Variants in FGGY observed in about 807,000 individuals in gnomAD.
FGGY encodes the protein FGGY carbohydrate kinase domain-containing protein.
A neutral mutation model predicts 71.3 loss-of-function variants in FGGY; 72 were observed. That is an observed-to-expected ratio of 1.01 (90% CI 0.84 to 1.23). The LOEUF (loss-of-function observed/expected upper bound fraction) is 1.23, where lower values mean the gene tolerates loss of function less well. Ranked by LOEUF, FGGY falls within the 50% of genes most tolerant of loss-of-function variation. The pLI is 0.00. For synonymous variants in FGGY, 251 were observed against 250.3 expected (o/e 1.00, Z -0.02); for missense variants, 668 against 682.3 (o/e 0.98, Z 0.23).
intron 7 of FGGY, among the ~76,000 whole-genome samples, chr1:59,553,648 G>A (rs1358672745): frequency 6.6e-6 from 1 of 152,194 alleles, no homozygotes; most frequent in East Asian, 1.9e-4. Flanking sequence ...GGACTGAGAT[G>A]TGATGTGTTA....
rs79250958 is a variant in FGGY, at chr1:59,514,006, C to T, written c.799+1567C>T. ...TGTAGGTTGGTTGAATGCTATGTAA[C>T]GTAGTTCTGATTACAGGCAAGGTTG... On this transcript the variant is annotated intron_variant, in intron 7 of 15. Coordinates refer to ENST00000303721, the MANE Select transcript of FGGY (RefSeq NM_018291.5). 3.7e-4 allele frequency among the ~76,000 whole-genome samples: 56 copies of T among 152,276 alleles called. No individual in the cohort carries two copies. The East Asian group carries it at 5.4e-3, about 15-fold the overall frequency.
At position 59,603,642 on chromosome 1, in the gene FGGY, C is replaced by G. The variant is rs56985970; in HGVS notation, c.904-4161C>G. Among the ~76,000 whole-genome samples the G allele has an allele frequency of 6.3e-3, 966 of 152,308 alleles. 8 individuals carry two copies. The highest frequency in any genetic ancestry group is 0.022 in the African/African-American group (902 of 41,568). The stretch of plus-strand genomic sequence containing the variant: ...TAAGATCGCCTAGCTGAGAATTGGG[C>G]AGAGTCAGGACTAGAATCACGATGG... On this transcript the variant is annotated intron_variant, in intron 8 of 15. Coordinates refer to ENST00000303721, the MANE Select transcript of FGGY (RefSeq NM_018291.5).
intron 5 of FGGY, among the ~76,000 whole-genome samples, chr1:59,420,637 G>A (rs1037976544): frequency 6.6e-6 from 1 of 152,058 alleles, no homozygotes; most frequent in Non-Finnish European, 1.5e-5. Context: ...AGCTTGTAGG[G>A]TTCAAGACTT....
At chr1:59,358,591 A>G (rs1281949006) in intron 4 of FGGY, among the ~76,000 whole-genome samples, 1 of 152,222 alleles carries the variant, frequency 6.6e-6, no homozygotes, top group Non-Finnish European at 1.5e-5. Flanking sequence ...AGAGCCTGCC[A>G]TGGACATTTA....
At chr1:59,657,405 C>T (rs1403373593) in intron 11 of FGGY, among the ~76,000 whole-genome samples, 2 of 152,116 alleles carry the variant, frequency 1.3e-5, no homozygotes, top group Non-Finnish European at 2.9e-5. Flanking sequence ...AGCAACTTCC[C>T]TAGGAGACCT....
chr1:59,325,313 C>T (rs986229258), intron 2 of FGGY, among the ~76,000 whole-genome samples: 3 of 152,074 alleles, frequency 2.0e-5, no homozygotes, highest in African/African-American at 4.8e-5. Context: ...GCCGAGATTG[C>T]GCCATTGCAC....
At chr1:59,705,072 A>G (rs930978336) in intron 14 of FGGY, among the ~76,000 whole-genome samples, 7 of 152,118 alleles carry the variant, frequency 4.6e-5, no homozygotes, top group Non-Finnish European at 8.8e-5. Flanking sequence ...TTAATGGCCT[A>G]TTAATATCTT....
intron 4 of FGGY, among the ~76,000 whole-genome samples, chr1:59,366,049 A>G (rs1241170794): frequency 6.6e-6 from 1 of 152,106 alleles, no homozygotes; most frequent in Non-Finnish European, 1.5e-5. Context: ...GTGGTGTCAC[A>G]CTCCTGGGTA....
intron 5 of FGGY, among the ~76,000 whole-genome samples, chr1:59,402,349 C>T (rs1367868892): frequency 6.6e-6 from 1 of 152,128 alleles, no homozygotes; most frequent in Non-Finnish European, 1.5e-5. Flanking sequence ...TTCCCTAATG[C>T]ATCTTCATGT....
chr1:59,743,616 T>C (rs202148978), intron 14 of FGGY, among the ~76,000 whole-genome samples: 2 of 147,906 alleles, frequency 1.4e-5, no homozygotes, highest in South Asian at 2.2e-4. Flanking sequence ...TTTTTTTTTT[T>C]CCAGCACATC....
chr1:59,601,090 A>T (rs2096573138), intron 8 of FGGY, among the ~76,000 whole-genome samples: 1 of 150,454 alleles, frequency 6.6e-6, no homozygotes, highest in South Asian at 2.1e-4. Context: ...GGAGGGTGAG[A>T]TGAGCCACCA....
intron 6 of FGGY, among the ~76,000 whole-genome samples, chr1:59,498,726 C>T (rs2094126501): frequency 6.6e-6 from 1 of 152,206 alleles, no homozygotes; most frequent in South Asian, 2.1e-4. Flanking sequence ...CCTCCCCCAC[C>T]AACTGGGTGA....
At chr1:59,569,040 A>G (rs571203872) in intron 8 of FGGY, among the ~76,000 whole-genome samples, 1 of 152,326 alleles carries the variant, frequency 6.6e-6, no homozygotes, top group South Asian at 2.1e-4. Context: ...AAGAAGAGGA[A>G]TTTGGGGACA....
intron 14 of FGGY, among the ~76,000 whole-genome samples, chr1:59,729,527 A>G (rs577236271): frequency 2.0e-5 from 3 of 152,114 alleles, no homozygotes; most frequent in Non-Finnish European, 4.4e-5. Flanking sequence ...ACTGTGTTTA[A>G]TGTTTGTTAT....
intron 14 of FGGY, among the ~76,000 whole-genome samples, chr1:59,740,095 AG>A (rs2098135514): frequency 6.6e-6 from 1 of 152,178 alleles, no homozygotes; most frequent in Non-Finnish European, 1.5e-5. Flanking sequence ...GTCCTCCTTC[AG>A]GCTAAGAGGT....
intron 9 of FGGY, among the ~76,000 whole-genome samples, chr1:59,615,254 A>G (rs1182285279): frequency 3.9e-5 from 6 of 152,234 alleles, no homozygotes; most frequent in Non-Finnish European, 8.8e-5. Context: ...AAACTATACT[A>G]CAAGGCTACA....
intron 4 of FGGY, among the ~76,000 whole-genome samples, chr1:59,377,965 G>T (rs918310904): frequency 6.6e-6 from 1 of 152,110 alleles, no homozygotes; most frequent in South Asian, 2.1e-4. Context: ...TTGAGGGCAG[G>T]GACTATCATC....
intron 1 of FGGY, among the ~76,000 whole-genome samples, chr1:59,313,197 G>A (rs1490900194): frequency 2.0e-5 from 3 of 152,076 alleles, no homozygotes; most frequent in Non-Finnish European, 4.4e-5. Context: ...TACTAATCCC[G>A]TTCATGAGGA....
chr1:59,374,432 A>C (rs1170532184), intron 4 of FGGY, among the ~76,000 whole-genome samples: 1 of 152,206 alleles, frequency 6.6e-6, no homozygotes, highest in Non-Finnish European at 1.5e-5. Flanking sequence ...GTGGAGAAAT[A>C]GGAACACTTT....
Sources: allele counts gnomAD v4.1 joint callset (sites outside exome capture counted in the v4.1 genomes callset), GRCh38; gene constraint gnomAD v4.1.1; transcripts MANE v1.5; gene names NCBI Gene and HGNC (gene_info 2026-07-23, HGNC 2026-07-21).